The following GTPBP2 variants were observed in gnomAD, a reference collection of about 807,000 sequenced individuals.
GTPBP2 encodes the protein GTP-binding protein 2.
A neutral mutation model predicts 63.0 loss-of-function variants in GTPBP2; 32 were observed. The observed-to-expected ratio is 0.51, with a 90% CI of 0.38 to 0.68. The LOEUF is 0.68. GTPBP2 is among the 30% of genes least tolerant of loss of function. GTPBP2 has a pLI of 0.00. For synonymous variants in GTPBP2, 310 were observed against 322.6 expected, an observed-to-expected ratio of 0.96 and a Z score of 0.42; for missense variants, 492 against 796.9, an observed-to-expected ratio of 0.62 and a Z score of 4.61.
chr6:43,626,488 G>A lies in GTPBP2; in HGVS notation c.214-78C>T. 8.8e-7 allele frequency: 1 copy of A among 1,140,888 alleles called. No homozygotes were observed. Among genetic ancestry groups the A allele is most frequent in the Non-Finnish European group, 1.3e-6 (1 of 774,126 alleles). The allele number at this position is 1,140,888 out of a possible 1,614,324, so 70.7% of individuals were successfully genotyped here. On this transcript the variant is annotated intron_variant, in intron 2 of 11. Transcript: ENST00000307126. This position sits in a 1 kb window ranked among gnomAD's most constrained non-coding sequence, Gnocchi z 4.0. ...CTACATGGTCCCCACCTGTTCTGCTGCAAGGACCAGGACTTTCTCTTTCCA... is the reference window on the plus strand; with the variant it reads ...CTACATGGTCCCCACCTGTTCTGCTACAAGGACCAGGACTTTCTCTTTCCA...
intron 1 of GTPBP2, chr6:43,628,504 GTA>G (rs1769605981): frequency 1.2e-6 from 1 of 820,492 alleles, no homozygotes; most frequent in Non-Finnish European, 1.5e-6. Context: ...GTGTGTGTGT[GTA>G]GTGAACATAC....
chr6:43,626,951 G>A lies in GTPBP2; in HGVS notation c.187-3C>T. The stretch of plus-strand genomic sequence containing the variant: ...TATTCAATGTTTCCATCTTCAGCCT[G>A]AAAAGAAACAGTGAGCAGTTACCAT... On this transcript the variant is annotated splice_region_variant and splice_polypyrimidine_tract_variant and intron_variant, in intron 1 of 11. Coordinates refer to ENST00000307126, the MANE Select transcript of GTPBP2 (RefSeq NM_019096.5). This position sits in a 1 kb window ranked among gnomAD's most constrained non-coding sequence, Gnocchi z 4.0. 6.2e-7 allele frequency: 1 copy of A among 1,612,176 alleles called. No homozygotes were observed. Among genetic ancestry groups the A allele is most frequent in the Non-Finnish European group, 8.5e-7 (1 of 1,178,282 alleles).
At position 43,627,213 on chromosome 6, in the gene GTPBP2, T is replaced by C. The variant is rs555562558; in HGVS notation, c.187-265A>G. ...AACACTGAATCAATCCATTCTTTGA[T>C]CACTGGCAGCACGTTCTTCCTAGAT... On this transcript the variant is annotated intron_variant, in intron 1 of 11. Coordinates refer to ENST00000307126, the MANE Select transcript of GTPBP2 (RefSeq NM_019096.5). The C allele has an allele frequency of 7.4e-6, 7 of 948,062 alleles. No individual in the cohort carries two copies. The Admixed American group carries it at 2.1e-4, about 29-fold the overall frequency. The allele number at this position is 948,062 out of a possible 1,614,324, so 58.7% of individuals were successfully genotyped here.
At chr6:43,629,455 A>C, upstream of GTPBP2, 1 of 564,294 alleles carries the variant, frequency 1.8e-6, no homozygotes, top group South Asian at 2.2e-5. Context: ...AGGCGTGGGG[A>C]AGGAGCGCGC....
At position 43,626,315 on chromosome 6, in the gene GTPBP2, C is replaced by G; in HGVS notation, c.309G>C (p.Gln103His). Residue 103 changes from glutamine to histidine, a missense_variant, in exon 3 of 12, where the codon CAG becomes CAC. Transcript: ENST00000307126. The surrounding 1 kb of genome is among the most constrained non-coding windows in gnomAD (Gnocchi z 4.0). ...GCAGCCCATTGTCCTCTACCCCAAT[C>G]TGGTAGACGGCCTCACCACGTCCCT... ...LQEGRGEAVY[Q>H]IGVEDNGLLV... 6.2e-7 allele frequency: 1 copy of G among 1,613,890 alleles called. No individual in the cohort carries two copies. Among genetic ancestry groups the G allele is most frequent in the South Asian group, 1.1e-5 (1 of 91,082 alleles).
rs1364748008 is a variant in GTPBP2 at position 43,622,570 on chromosome 6, C to G, written c.1467+63G>C. 7 of 1,455,744 alleles carry G rather than the reference C, an allele frequency of 4.8e-6. No homozygotes were observed. Among genetic ancestry groups the G allele is most frequent in the Non-Finnish European group, 6.6e-6 (7 of 1,053,378 alleles). The allele number at this position is 1,455,744 out of a possible 1,614,324, so 90.2% of individuals were successfully genotyped here. The stretch of plus-strand genomic sequence containing the variant: ...GAAGCACCTTAGATAGGTGCTCATT[C>G]AGTAGCCAGTCTCCTAGGCACTTCT... On this transcript the variant is annotated intron_variant, in intron 10 of 11. Transcript: ENST00000307126. The surrounding 1 kb of genome is among the most constrained non-coding windows in gnomAD (Gnocchi z 5.4).
chr6:43,630,381 C>T (rs559112556), upstream of GTPBP2, among the ~76,000 whole-genome samples: 31 of 152,294 alleles, frequency 2.0e-4, no homozygotes, highest in Admixed American at 5.2e-4. Context: ...ATGACTCAGA[C>T]CACTCACAGT....
At chr6:43,628,948 T>C (rs1582356382) in intron 1 of GTPBP2, 29 bp downstream of exon 1, 1 of 1,609,450 alleles carries the variant, frequency 6.2e-7, no homozygotes, top group East Asian at 2.2e-5. Flanking sequence ...AGTGGCTTCT[T>C]CCCGCCCTAC....
rs1338670823 is a variant in GTPBP2 at position 43,626,208 on chromosome 6, G to A, written c.398+18C>T. 1.2e-6 allele frequency: 2 copies of A among 1,609,056 alleles called. No individual in the cohort carries two copies. The highest frequency in any genetic ancestry group is 4.5e-5 in the East Asian group (2 of 44,778). On this transcript the variant is annotated intron_variant, in intron 3 of 11. Coordinates refer to ENST00000307126, the MANE Select transcript of GTPBP2 (RefSeq NM_019096.5). This position sits in a 1 kb window ranked among gnomAD's most constrained non-coding sequence, Gnocchi z 4.0. ...CCAAGTCAGGTAAAGGAGAACTGGT[G>A]GGGAAGGGGAAGCATACTTCTCTGC...
At position 43,621,040 on chromosome 6, in the gene GTPBP2, A is replaced by C. The variant is rs1768682623; in HGVS notation, c.*574T>G. 4.7e-6 allele frequency: 1 copy of C among 212,864 alleles called. No individual in the cohort carries two copies. The highest frequency in any genetic ancestry group is 9.7e-6 in the Non-Finnish European group (1 of 103,132). The allele number at this position is 212,864 out of a possible 1,614,324, so 13.2% of individuals were successfully genotyped here. On this transcript the variant is annotated 3_prime_UTR_variant, in exon 12 of 12. Transcript: ENST00000307126. ...GAAGGAAAGGGAGATAAAGCTGAGG[A>C]AGAGGCCTCAGGCCTCAGCACAGGG...
chr6:43,622,460 T>A lies in GTPBP2; in HGVS notation c.1467+173A>T, dbSNP rs769021612. ...TTCATATTTAGTTATCTGTACCTCATGAGTACGTTAAGCTGTTTTTATAGT... is the reference window on the plus strand; with the variant it reads ...TTCATATTTAGTTATCTGTACCTCAAGAGTACGTTAAGCTGTTTTTATAGT... On this transcript the variant is annotated intron_variant, in intron 10 of 11. Transcript: ENST00000307126. The surrounding 1 kb of genome is among the most constrained non-coding windows in gnomAD (Gnocchi z 5.4). Among the ~76,000 whole-genome samples the A allele has an allele frequency of 6.6e-6, 1 of 152,164 alleles. No individual in the cohort carries two copies. The highest frequency in any genetic ancestry group is 2.4e-5 in the African/African-American group (1 of 41,440).
In GTPBP2 at chr6:43,625,645, G is replaced by A; in HGVS notation, c.508-85C>T. On this transcript the variant is annotated intron_variant, in intron 4 of 11. Transcript: ENST00000307126. This position sits in a 1 kb window ranked among gnomAD's most constrained non-coding sequence, Gnocchi z 5.1. ...GGTCAAGGGCAGTGACGCTCCCTAG[G>A]GAGCAAGTGATGAACTGGAAGCCCC... The A allele has an allele frequency of 7.1e-7, 1 of 1,417,904 alleles. No homozygotes were observed. The highest frequency in any genetic ancestry group is 1.7e-5 in the Admixed American group (1 of 59,202). The allele number at this position is 1,417,904 out of a possible 1,614,324, so 87.8% of individuals were successfully genotyped here. A position where few individuals can be genotyped will look rare whatever the true frequency, so the allele number is the denominator to read the frequency against.
chr6:43,629,770 G>A (rs763231682), upstream of GTPBP2: 29 of 1,562,422 alleles, frequency 1.9e-5, no homozygotes, highest in Admixed American at 4.8e-4. Context: ...TGCCGCTGGG[G>A]TGAGTCAGGG....
chr6:43,626,052 A>G lies in GTPBP2; in HGVS notation c.398+174T>C, dbSNP rs1769303691. ...CAAATATACATATCTTAATTCAAGG[A>G]GCAAAACAGCCTAGGTCCAGTGAGG... On this transcript the variant is annotated intron_variant, in intron 3 of 11. Transcript: ENST00000307126. This position sits in a 1 kb window ranked among gnomAD's most constrained non-coding sequence, Gnocchi z 4.0. Among the ~76,000 whole-genome samples, 1 of 152,220 alleles carries G rather than the reference A, an allele frequency of 6.6e-6. No homozygotes were observed. Among genetic ancestry groups the G allele is most frequent in the Non-Finnish European group, 1.5e-5 (1 of 68,044 alleles).
At chr6:43,628,894 T>C (rs1274999290) in intron 1 of GTPBP2, 83 bp downstream of exon 1, 1 of 1,423,170 alleles carries the variant, frequency 7.0e-7, no homozygotes, top group Non-Finnish European at 9.9e-7. Flanking sequence ...GAAGGGGAGA[T>C]TAATTATCTG....
chr6:43,630,709 C>T (rs911422436), upstream of GTPBP2, among the ~76,000 whole-genome samples: 4 of 150,778 alleles, frequency 2.7e-5, no homozygotes, highest in Non-Finnish European at 5.9e-5. Flanking sequence ...CGCCATTGCA[C>T]TCCAGCCTGG....
At chr6:43,623,526 G>A in intron 9 of GTPBP2, 2 of 588,418 alleles carry the variant, frequency 3.4e-6, no homozygotes, top group Non-Finnish European at 6.0e-6. Flanking sequence ...GGGGCCTGGA[G>A]ATTCCCCAAT....
In GTPBP2 at chr6:43,626,828, CAAAAAAAA is replaced by C. The variant is rs371391526; in HGVS notation, c.213+86_213+93del. 8.7e-5 allele frequency: 72 copies of C among 828,986 alleles called. 1 individual carries two copies. The Admixed American group carries it at 2.0e-3, about 23-fold the overall frequency. The allele number at this position is 828,986 out of a possible 1,614,324, so 51.4% of individuals were successfully genotyped here. Reference sequence around the variant, plus strand: ...AGGCAACAAGAGCAAAACTTCATCTCAAAAAAAAAAAAGAAAGAAAGAAAAAAGAAATT... The same window carrying C: ...AGGCAACAAGAGCAAAACTTCATCTCAAAAGAAAGAAAGAAAAAAGAAATT... On this transcript the variant is annotated intron_variant, in intron 2 of 11. Coordinates refer to ENST00000307126, the MANE Select transcript of GTPBP2 (RefSeq NM_019096.5). The surrounding 1 kb of genome is among the most constrained non-coding windows in gnomAD (Gnocchi z 4.0).
In GTPBP2 at chr6:43,624,073, A is replaced by T; in HGVS notation, c.1101-5T>A. The T allele has an allele frequency of 6.2e-7, 1 of 1,609,728 alleles. No homozygotes were observed. The highest frequency in any genetic ancestry group is 1.1e-5 in the South Asian group (1 of 90,598). ...AATGTGAAGATGGGGGTGACACTGT[A>T]GAGGGAGGCATGGAATGGACAGATG... On this transcript the variant is annotated splice_region_variant and splice_polypyrimidine_tract_variant and intron_variant, in intron 7 of 11. Transcript: ENST00000307126. The surrounding 1 kb of genome is among the most constrained non-coding windows in gnomAD (Gnocchi z 5.1).
Sources: gnomAD v4.1 joint callset for allele counts (sites outside exome capture counted in the v4.1 genomes callset) on GRCh38, gnomAD v4.1.1 for gene constraint, Gnocchi (gnomAD v3.1) non-coding constraint, MANE v1.5 for transcripts, NCBI Gene and HGNC (gene_info 2026-07-23, HGNC 2026-07-21) for gene names.